The following PHACTR4 variants were observed in gnomAD, a reference collection of about 807,000 sequenced individuals.
PHACTR4 encodes the protein protein phosphatase 1, regulatory subunit 124.
Under a neutral mutation model 72.7 loss-of-function variants are expected in PHACTR4, and 51 were observed. That is an observed-to-expected ratio of 0.70 (90% CI 0.56 to 0.89). The LOEUF (loss-of-function observed/expected upper bound fraction) is 0.89, where lower values mean the gene tolerates loss of function less well. Ranked by LOEUF, PHACTR4 falls within the 40% of genes least tolerant of loss-of-function variation. PHACTR4 has a pLI of 0.00. For missense variants in PHACTR4, 731 were observed against 861.8 expected, an observed-to-expected ratio of 0.85 and a Z score of 1.90; for synonymous variants, 255 against 302.5, an observed-to-expected ratio of 0.84 and a Z score of 1.63.
intron 2 of PHACTR4, chr1:28,438,111 A>T: frequency 9.5e-7 from 1 of 1,053,766 alleles, no homozygotes; most frequent in Non-Finnish European, 1.1e-6. Flanking sequence ...CCCTTCCTGC[A>T]CTTCAGCTCT....
Position 28,463,178 on chromosome 1 carries a change from C to T in PHACTR4, c.272-2507C>T, listed in dbSNP as rs181029809. 1.1e-4 allele frequency among the ~76,000 whole-genome samples: 16 copies of T among 151,476 alleles called. No homozygotes were observed. In the East Asian group the frequency reaches 1.5e-3, roughly 15 times the overall value. On this transcript the variant is annotated intron_variant, in intron 4 of 13. Coordinates refer to ENST00000373839, the MANE Select transcript of PHACTR4 (RefSeq NM_001048183.3). The stretch of plus-strand genomic sequence containing the variant: ...TTGCACCACTGCACTCCAGCCTGGG[C>T]GACAGAGTGAGACCCTGTTTTTTTT...
chr1:28,436,718 A>G (rs1656658907), intron 2 of PHACTR4, among the ~76,000 whole-genome samples: 1 of 152,216 alleles, frequency 6.6e-6, no homozygotes, highest in African/African-American at 2.4e-5. Context: ...GTGTTAGTAT[A>G]CTAAATAAAA....
At chr1:28,445,299 G>A (rs375557245) in intron 2 of PHACTR4, among the ~76,000 whole-genome samples, 2 of 151,990 alleles carry the variant, frequency 1.3e-5, no homozygotes, top group African/African-American at 4.8e-5. Flanking sequence ...ATGTTGCCCA[G>A]GCTGGTCTTG....
At chr1:28,492,398 A>G (rs566578398) in intron 12 of PHACTR4, among the ~76,000 whole-genome samples, 51 of 151,372 alleles carry the variant, frequency 3.4e-4, no homozygotes, top group African/African-American at 8.5e-4. Flanking sequence ...GATCATGCCA[A>G]TGCACTCCAG....
rs563905182 is a variant in PHACTR4 at position 28,397,757 on chromosome 1, G to A, written c.-38-9653G>A. ...TGTCGCCAGGCTGGCGTGCAGTGGC[G>A]CAGTCTCGGCTCACTGCAACCTCCA... On this transcript the variant is annotated intron_variant, in intron 1 of 13. Transcript: ENST00000373839. Among the ~76,000 whole-genome samples, 14 of 150,164 alleles carry A rather than the reference G, an allele frequency of 9.3e-5. No homozygotes were observed. In the South Asian group the frequency reaches 1.5e-3, roughly 16 times the overall value.
At chr1:28,410,952 C>A (rs1161535111) in intron 2 of PHACTR4, among the ~76,000 whole-genome samples, 1 of 152,012 alleles carries the variant, frequency 6.6e-6, no homozygotes. Context: ...GGTGATCCAC[C>A]CGCCGTGGCC....
At chr1:28,376,537 C>T (rs548027921) in intron 1 of PHACTR4, among the ~76,000 whole-genome samples, 3 of 151,618 alleles carry the variant, frequency 2.0e-5, no homozygotes, top group Middle Eastern at 6.8e-3. Flanking sequence ...TTATGTTGCC[C>T]AGACCAGTCT....
At chr1:28,472,852 A>G (rs1218310080) in intron 6 of PHACTR4, among the ~76,000 whole-genome samples, 2 of 146,606 alleles carry the variant, frequency 1.4e-5, no homozygotes, top group Non-Finnish European at 3.0e-5. Context: ...TCCTGACCTA[A>G]GTAATCTGCC....
intron 2 of PHACTR4, among the ~76,000 whole-genome samples, chr1:28,430,150 G>A (rs1489051948): frequency 6.6e-6 from 1 of 151,966 alleles, no homozygotes; most frequent in African/African-American, 2.4e-5. Flanking sequence ...AGCCTCCCGA[G>A]TAGCTGGGAC....
intron 2 of PHACTR4, among the ~76,000 whole-genome samples, chr1:28,424,499 TTA>T (rs1047121872): frequency 8.1e-6 from 1 of 122,948 alleles, no homozygotes; most frequent in African/African-American, 4.1e-5. Flanking sequence ...ATTTTATTTA[TTA>T]TTTTTTTTAG....
intron 2 of PHACTR4, among the ~76,000 whole-genome samples, chr1:28,440,412 T>TTTTTTC (rs1656936342): frequency 7.8e-6 from 1 of 127,424 alleles, no homozygotes; most frequent in South Asian, 2.6e-4. Flanking sequence ...TTTTTTTTTT[T>TTTTTTC]TGAGACGGAG....
chr1:28,493,555 T>A (rs11590367), intron 13 of PHACTR4, among the ~76,000 whole-genome samples: 185 of 134,560 alleles, frequency 1.4e-3, no homozygotes, highest in South Asian at 2.8e-3. Context: ...AAAAAAAAAA[T>A]AAGTAAATGT....
At chr1:28,370,682 T>C (rs1423136595) in intron 1 of PHACTR4, among the ~76,000 whole-genome samples, 1 of 151,954 alleles carries the variant, frequency 6.6e-6, no homozygotes, top group Non-Finnish European at 1.5e-5. Context: ...CTTCCTTTTC[T>C]TGTTCTTTTT....
intron 1 of PHACTR4, among the ~76,000 whole-genome samples, chr1:28,380,322 C>G (rs966805693): frequency 1.3e-5 from 2 of 152,008 alleles, no homozygotes; most frequent in East Asian, 1.9e-4. Flanking sequence ...TCCCAAAGTG[C>G]TGGGATTACA....
At chr1:28,409,999 G>T (rs958696080) in intron 2 of PHACTR4, among the ~76,000 whole-genome samples, 1 of 107,592 alleles carries the variant, frequency 9.3e-6, no homozygotes, top group African/African-American at 3.8e-5. Context: ...ACAGAGTCTC[G>T]CTGTGTCCCC....
intron 3 of PHACTR4, 141 bp downstream of exon 3, chr1:28,459,399 T>C (rs1658642276): frequency 2.6e-5 from 12 of 465,238 alleles, no homozygotes; most frequent in East Asian, 9.8e-5. Context: ...CTTCTTCTTT[T>C]TTTTTTTTTT....
chr1:28,373,040 C>T (rs1268835388), intron 1 of PHACTR4, among the ~76,000 whole-genome samples: 1 of 152,020 alleles, frequency 6.6e-6, no homozygotes, highest in African/African-American at 2.4e-5. Context: ...CCACTGTAGC[C>T]TCAACCTCTT....
intron 1 of PHACTR4, among the ~76,000 whole-genome samples, chr1:28,372,864 A>C (rs1034063967): frequency 7.9e-5 from 12 of 152,036 alleles, no homozygotes; most frequent in Non-Finnish European, 1.0e-4. Context: ...AAAAAAAAAA[A>C]AACACAGAAA....
At chr1:28,424,894 A>G (rs1426886900) in intron 2 of PHACTR4, among the ~76,000 whole-genome samples, 1 of 151,842 alleles carries the variant, frequency 6.6e-6, no homozygotes, top group Non-Finnish European at 1.5e-5. Context: ...CCCAGGTTCA[A>G]ACAATTCTCC....
Sources: gnomAD v4.1 joint callset for allele counts (sites outside exome capture counted in the v4.1 genomes callset) on GRCh38, gnomAD v4.1.1 for gene constraint, MANE v1.5 for transcripts, NCBI Gene and HGNC (gene_info 2026-07-23, HGNC 2026-07-21) for gene names.